ARHGAP24: variants seen among roughly 807,000 people sequenced by gnomAD.
ARHGAP24 encodes the protein Rho GTPase activating protein 24.
ARHGAP24 carries 50 observed loss-of-function variants against 76.4 expected under a neutral mutation model. The observed-to-expected ratio is 0.65, with a 90% CI of 0.52 to 0.83. The LOEUF (loss-of-function observed/expected upper bound fraction) is 0.83, where lower values mean the gene tolerates loss of function less well. Ranked by LOEUF, ARHGAP24 falls within the 40% of genes least tolerant of loss-of-function variation. The pLI is 0.00. For synonymous variants in ARHGAP24, 345 were observed against 323.3 expected, an observed-to-expected ratio of 1.07 and a Z score of -0.72; for missense variants, 930 against 914.2, an observed-to-expected ratio of 1.02 and a Z score of -0.22.
chr4:85,531,373 A>G (rs1313625598), intron 1 of ARHGAP24, among the ~76,000 whole-genome samples: 1 of 152,056 alleles, frequency 6.6e-6, no homozygotes, highest in African/African-American at 2.4e-5. Flanking sequence ...AGCAATATAG[A>G]AAAATGTTGA....
chr4:85,699,182 T>C (rs1186811705), intron 2 of ARHGAP24, among the ~76,000 whole-genome samples: 1 of 152,194 alleles, frequency 6.6e-6, no homozygotes, highest in Non-Finnish European at 1.5e-5. Flanking sequence ...ATGATGGATA[T>C]AGAGAAAGAT....
At chr4:85,529,729 T>C (rs1725176289) in intron 1 of ARHGAP24, among the ~76,000 whole-genome samples, 1 of 151,914 alleles carries the variant, frequency 6.6e-6, no homozygotes, top group Non-Finnish European at 1.5e-5. Flanking sequence ...TGTGACAAAA[T>C]CACTCCTAAT....
chr4:85,767,427 C>A (rs1726970959), intron 3 of ARHGAP24, among the ~76,000 whole-genome samples: 1 of 152,072 alleles, frequency 6.6e-6, no homozygotes, highest in African/African-American at 2.4e-5. Context: ...CTCACACATT[C>A]ACATGTGAAT....
At chr4:85,543,197 T>C (rs1176951267) in intron 1 of ARHGAP24, among the ~76,000 whole-genome samples, 2 of 152,324 alleles carry the variant, frequency 1.3e-5, no homozygotes, top group African/African-American at 2.4e-5. Flanking sequence ...TTATGACACC[T>C]TGAACATGAG....
At chr4:85,620,064 A>G (rs1382765900) in intron 2 of ARHGAP24, among the ~76,000 whole-genome samples, 1 of 151,980 alleles carries the variant, frequency 6.6e-6, no homozygotes, top group African/African-American at 2.4e-5. Context: ...TTCACTTAAT[A>G]GTACTTTGTT....
chr4:85,951,119 C>G (rs998699943), intron 5 of ARHGAP24, among the ~76,000 whole-genome samples: 7 of 152,062 alleles, frequency 4.6e-5, no homozygotes, highest in Non-Finnish European at 4.4e-5. Flanking sequence ...AATTGTCAAG[C>G]TTGAATCCCT....
intron 8 of ARHGAP24, among the ~76,000 whole-genome samples, chr4:85,978,956 C>A (rs929059935): frequency 6.6e-6 from 1 of 152,060 alleles, no homozygotes; most frequent in Admixed American, 6.6e-5. Context: ...TTACTTGATA[C>A]CTTTTAAGAA....
At chr4:85,771,988 T>C (rs6531869) in intron 3 of ARHGAP24, among the ~76,000 whole-genome samples, 143,628 of 152,238 alleles carry the variant, frequency 0.94, 68,347 homozygotes, top group East Asian at 1. Context: ...GGATTACAGA[T>C]GTGAGCCACT....
chr4:85,567,300 T>C (rs554823240), intron 1 of ARHGAP24, among the ~76,000 whole-genome samples: 1 of 152,324 alleles, frequency 6.6e-6, no homozygotes, highest in Admixed American at 6.5e-5. Context: ...TGGAAGGCTA[T>C]TAGAATCATC....
intron 2 of ARHGAP24, among the ~76,000 whole-genome samples, chr4:85,717,706 T>C (rs1724784404): frequency 6.6e-6 from 1 of 152,160 alleles, no homozygotes; most frequent in Admixed American, 6.6e-5. Context: ...CTTAAAACCA[T>C]TTCCTTTATA....
At chr4:85,665,892 G>T (rs1221136739) in intron 2 of ARHGAP24, among the ~76,000 whole-genome samples, 5 of 152,200 alleles carry the variant, frequency 3.3e-5, no homozygotes, top group African/African-American at 1.2e-4. Context: ...TCTGCTGTTA[G>T]TCTGATGGGC....
At chr4:85,740,905 A>C (rs1239976845) in intron 3 of ARHGAP24, among the ~76,000 whole-genome samples, 1 of 152,238 alleles carries the variant, frequency 6.6e-6, no homozygotes, top group Non-Finnish European at 1.5e-5. Flanking sequence ...AAAAGCAGTA[A>C]TGAAAGCTAA....
intron 1 of ARHGAP24, among the ~76,000 whole-genome samples, chr4:85,550,356 AG>A (rs1726082998): frequency 6.6e-6 from 1 of 152,180 alleles, no homozygotes; most frequent in African/African-American, 2.4e-5. Flanking sequence ...AGATGGTTGT[AG>A]GTGTCTGGCG....
intron 2 of ARHGAP24, among the ~76,000 whole-genome samples, chr4:85,626,305 G>T (rs929967545): frequency 3.3e-5 from 5 of 152,048 alleles, no homozygotes; most frequent in Admixed American, 2.0e-4. Context: ...GTCTGTAAAG[G>T]ATTTTATTTC....
intron 3 of ARHGAP24, among the ~76,000 whole-genome samples, chr4:85,785,993 T>C (rs1394496881): frequency 6.6e-6 from 1 of 152,144 alleles, no homozygotes; most frequent in African/African-American, 2.4e-5. Flanking sequence ...ACCTTTTTTT[T>C]TTATTTCTGT....
Position 85,614,512 on chromosome 4 carries a change from C to T in ARHGAP24, c.180+43791C>T, listed in dbSNP as rs1720487781. 3.3e-5 allele frequency among the ~76,000 whole-genome samples: 5 copies of T among 152,168 alleles called. No homozygotes were observed. The South Asian group carries it at 1.0e-3, about 32-fold the overall frequency. On this transcript the variant is annotated intron_variant, in intron 2 of 9. Coordinates refer to ENST00000395184, the MANE Select transcript of ARHGAP24 (RefSeq NM_001025616.3). ...AATTTCCTATGTATTATAATAGCTGCTTTAAGCTTTACATTTGTTGACTCT... is the reference window on the plus strand; with the variant it reads ...AATTTCCTATGTATTATAATAGCTGTTTTAAGCTTTACATTTGTTGACTCT...
At position 85,923,547 on chromosome 4, in the gene ARHGAP24, G is replaced by A. The variant is rs752288714; in HGVS notation, c.269-101G>A. The A allele has an allele frequency of 9.6e-4, 1,450 of 1,511,384 alleles. 3 individuals carry two copies. Among genetic ancestry groups the A allele is most frequent in the Non-Finnish European group, 1.2e-3 (1,347 of 1,101,480 alleles). The allele number at this position is 1,511,384 out of a possible 1,614,324, so 93.6% of individuals were successfully genotyped here. A position where few individuals can be genotyped will look rare whatever the true frequency, so the allele number is the denominator to read the frequency against. On this transcript the variant is annotated intron_variant, in intron 3 of 9. Transcript: ENST00000395184. ...CATCATTGGGTAGAACTTAGTGCGG[G>A]CTGTATTAGGCACAGTCTCTGTTTC...
At chr4:85,590,505 G>A (rs1305094829) in intron 2 of ARHGAP24, among the ~76,000 whole-genome samples, 5 of 152,024 alleles carry the variant, frequency 3.3e-5, no homozygotes, top group African/African-American at 1.2e-4. Flanking sequence ...GACTACAGGT[G>A]CATGCCACCA....
At chr4:85,580,772 G>A (rs577898532) in intron 2 of ARHGAP24, among the ~76,000 whole-genome samples, 64 of 152,212 alleles carry the variant, frequency 4.2e-4, no homozygotes, top group Admixed American at 2.1e-3. Context: ...GCCTGTAGCC[G>A]GAAGGGGAGG....
Sources: gnomAD v4.1 joint callset for allele counts (sites outside exome capture counted in the v4.1 genomes callset) on GRCh38, gnomAD v4.1.1 for gene constraint, MANE v1.5 for transcripts, NCBI Gene and HGNC (gene_info 2026-07-23, HGNC 2026-07-21) for gene names.